The following ZNF138 variants were observed in gnomAD, a reference collection of about 807,000 sequenced individuals.
ZNF138 encodes the protein zinc finger protein 138 (clone pHZ-32).
ZNF138 carries 33 observed loss-of-function variants against 33.0 expected under a neutral mutation model. That is an observed-to-expected ratio of 1.00 (90% confidence interval 0.76 to 1.34). The LOEUF is 1.34. Among genes scored for constraint, ZNF138 ranks in the 40% most tolerant of loss-of-function variants. ZNF138 has a pLI of 0.00. For synonymous variants in ZNF138, 139 were observed against 120.4 expected, an observed-to-expected ratio of 1.15 and a Z score of -1.01; for missense variants, 360 against 370.8, an observed-to-expected ratio of 0.97 and a Z score of 0.24.
the ZNF138 span, among the ~76,000 whole-genome samples, chr7:64,851,854 T>A: frequency 2.6e-5 from 4 of 152,200 alleles, no homozygotes; most frequent in South Asian, 8.3e-4. Context: ...TACTGGAGAA[T>A]GTTCTGGGTC....
At chr7:64,803,563 T>G (rs928445156) in intron 1 of ZNF138, among the ~76,000 whole-genome samples, 9 of 152,302 alleles carry the variant, frequency 5.9e-5, no homozygotes, top group Middle Eastern at 3.4e-3. Flanking sequence ...TCAGAACAAT[T>G]AGCATAGTTA....
chr7:64,800,918 G>A (rs62456798), intron 1 of ZNF138, among the ~76,000 whole-genome samples: 6,643 of 152,136 alleles, frequency 0.044, 204 homozygotes, highest in East Asian at 0.14. Context: ...CTGGGAGGAT[G>A]TATTTTTCAG....
chr7:64,807,130 A>G (rs555055372), intron 1 of ZNF138, among the ~76,000 whole-genome samples: 4 of 152,218 alleles, frequency 2.6e-5, no homozygotes, highest in African/African-American at 4.8e-5. Flanking sequence ...CCTTAATCTG[A>G]TATCTATAGA....
chr7:64,794,852 C>T (rs1021016190), intron 1 of ZNF138, among the ~76,000 whole-genome samples: 27 of 152,096 alleles, frequency 1.8e-4, no homozygotes, highest in Non-Finnish European at 3.5e-4. Context: ...GCAGAGACGA[C>T]GGGAGGGTCG....
intron 3 of ZNF138, among the ~76,000 whole-genome samples, chr7:64,816,793 G>A (rs1320695676): frequency 3.3e-5 from 5 of 152,054 alleles, no homozygotes; most frequent in African/African-American, 7.2e-5. Context: ...ACCTCTTCAC[G>A]TTTTTATATC....
the ZNF138 span, among the ~76,000 whole-genome samples, chr7:64,854,565 A>G: frequency 6.6e-6 from 1 of 152,232 alleles, no homozygotes; most frequent in East Asian, 1.9e-4. Flanking sequence ...GCTTGAATGC[A>G]TGAACATTTA....
the ZNF138 span, among the ~76,000 whole-genome samples, chr7:64,848,116 T>C: frequency 1.3e-5 from 2 of 151,256 alleles, no homozygotes; most frequent in Admixed American, 1.3e-4. Context: ...TTATGAAGCT[T>C]AGTTTCACTG....
At chr7:64,851,677 C>G in the ZNF138 span, among the ~76,000 whole-genome samples, 1 of 152,076 alleles carries the variant, frequency 6.6e-6, no homozygotes. Context: ...CTATAAAATA[C>G]CTAATTACAT....
At chr7:64,809,054 C>G (rs1260271823) in intron 1 of ZNF138, among the ~76,000 whole-genome samples, 27 of 124,160 alleles carry the variant, frequency 2.2e-4, no homozygotes, top group Admixed American at 1.2e-3. Context: ...TTCTATTCCA[C>G]AAAGCCGCCA....
intron 1 of ZNF138, among the ~76,000 whole-genome samples, chr7:64,805,492 T>G (rs1279311987): frequency 6.6e-6 from 1 of 152,120 alleles, no homozygotes; most frequent in East Asian, 1.9e-4. Flanking sequence ...TCCTGCAGGC[T>G]CCTCCTGCAG....
intron 1 of ZNF138, among the ~76,000 whole-genome samples, chr7:64,808,182 G>C (rs147835261): frequency 6.6e-6 from 1 of 152,142 alleles, no homozygotes; most frequent in Admixed American, 6.5e-5. Flanking sequence ...TTAATTCTGC[G>C]TCTGTCTCAG....
the ZNF138 span, among the ~76,000 whole-genome samples, chr7:64,858,876 T>C: frequency 6.6e-6 from 1 of 152,252 alleles, no homozygotes; most frequent in Admixed American, 6.5e-5. Flanking sequence ...ACATTTTCTT[T>C]ATTCATTCAA....
At chr7:64,809,618 A>G (rs370451195) in intron 1 of ZNF138, among the ~76,000 whole-genome samples, 1 of 145,576 alleles carries the variant, frequency 6.9e-6, no homozygotes, top group African/African-American at 2.6e-5. Context: ...CCTCCCTCCC[A>G]GACGGGGTGG....
rs71061316 is a variant in ZNF138 at position 64,825,154 on chromosome 7, CTTTTTTTTTTTTTTTTTT to C, written c.209-6278_209-6261del. ...TCTTGTAGGCCGCATGTTGTATGCT[CTTTTTTTTTTTTTTTTTT>C]TTTTTTTTTTTTTTTTTTGAGACGG... is the stretch of plus-strand genomic sequence containing the variant. On this transcript the variant is annotated intron_variant, in intron 3 of 3. Coordinates refer to ENST00000307355, the MANE Select transcript of ZNF138 (RefSeq NM_001271639.2). Among the ~76,000 whole-genome samples the C allele has an allele frequency of 1.2e-3, 54 of 45,988 alleles. 1 individual carries two copies. Among genetic ancestry groups the C allele is most frequent in the African/African-American group, 1.5e-3 (15 of 10,256 alleles). 30.2% of individuals were successfully genotyped at this position (45,988 alleles called of 152,430 possible).
chr7:64,831,198 TTC>T (rs1790052761), intron 3 of ZNF138: 12 of 1,331,260 alleles, frequency 9.0e-6, no homozygotes, highest in Middle Eastern at 4.1e-4. Context: ...TAACAGACTT[TTC>T]TCTCTCTTCT....
chr7:64,856,821 G>A, the ZNF138 span, among the ~76,000 whole-genome samples: 2 of 1,686 alleles, frequency 1.2e-3, no homozygotes, highest in African/African-American at 1.3e-3. Context: ...GGTGAGGGGC[G>A]CCTCTGCCCG....
intron 1 of ZNF138, among the ~76,000 whole-genome samples, chr7:64,800,226 C>CCACCAA: frequency 6.6e-6 from 1 of 152,178 alleles, no homozygotes; most frequent in East Asian, 1.9e-4. Flanking sequence ...ACTACCAATT[C>CCACCAA]TGTGTTGAAT....
chr7:64,815,050 A>T lies in ZNF138; in HGVS notation c.130+6A>T. 6.3e-7 allele frequency: 1 copy of T among 1,599,570 alleles called. No homozygotes were observed. Among genetic ancestry groups the T allele is most frequent in the South Asian group, 1.1e-5 (1 of 88,908 alleles). On this transcript the variant is annotated splice_donor_region_variant and intron_variant, in intron 2 of 3. Transcript: ENST00000307355. The stretch of plus-strand genomic sequence containing the variant: ...CAGAAACCTGGTTTTCTTGGGTGAG[A>T]ATAACTTCAGTACACATTTCCTAAT...
At chr7:64,795,424 C>T (rs1472796700) in intron 1 of ZNF138, among the ~76,000 whole-genome samples, 1 of 152,168 alleles carries the variant, frequency 6.6e-6, no homozygotes, top group East Asian at 1.9e-4. Context: ...ATTCCTTCAG[C>T]CTAACTCTGG....
Sources: gnomAD v4.1 joint callset for allele counts (sites outside exome capture counted in the v4.1 genomes callset) on GRCh38, gnomAD v4.1.1 for gene constraint, MANE v1.5 for transcripts, NCBI Gene and HGNC (gene_info 2026-07-23, HGNC 2026-07-21) for gene names.